SLC14A2: variants seen among roughly 807,000 people sequenced by gnomAD.
The protein encoded by SLC14A2 is urea transporter 2.
SLC14A2 carries 91 observed loss-of-function variants against 104.6 expected under a neutral mutation model. The observed-to-expected ratio is 0.87, with a 90% confidence interval of 0.73 to 1.04. The LOEUF is 1.04. SLC14A2 is among the 50% of genes least tolerant of loss of function. The pLI, the probability that SLC14A2 is intolerant of heterozygous loss-of-function variation, is 0.00. For synonymous variants in SLC14A2, 476 were observed against 466.4 expected (o/e 1.02, Z -0.27); for missense variants, 1,189 against 1,156.0 (o/e 1.03, Z -0.41).
chr18:45,482,305 C>A (rs1343711044), intron 1 of SLC14A2, among the ~76,000 whole-genome samples: 3 of 152,124 alleles, frequency 2.0e-5, no homozygotes, highest in Non-Finnish European at 4.4e-5. Context: ...ACATATGAAG[C>A]AGCTATTAAA....
At chr18:45,348,072 T>C (rs556854074) in intron 1 of SLC14A2, among the ~76,000 whole-genome samples, 3 of 152,334 alleles carry the variant, frequency 2.0e-5, no homozygotes, top group South Asian at 2.1e-4. Context: ...GCCATCATGA[T>C]GGCAGTGATT....
chr18:45,506,188 T>G (rs1257700110), intron 2 of SLC14A2, among the ~76,000 whole-genome samples: 4 of 152,168 alleles, frequency 2.6e-5, no homozygotes, highest in Non-Finnish European at 5.9e-5. Flanking sequence ...GGCCCCGTCC[T>G]CAAGTCTCTC....
At chr18:45,239,528 T>C (rs2084289544) in intron 1 of SLC14A2, among the ~76,000 whole-genome samples, 2 of 152,338 alleles carry the variant, frequency 1.3e-5, no homozygotes, top group South Asian at 4.1e-4. Context: ...CCTTGCAAGG[T>C]GCCTGCTGTG....
At chr18:45,347,478 T>G (rs1365835085) in intron 1 of SLC14A2, among the ~76,000 whole-genome samples, 2 of 152,214 alleles carry the variant, frequency 1.3e-5, no homozygotes, top group African/African-American at 4.8e-5. Context: ...GAGAACCACT[T>G]ATCTCCACAA....
At chr18:45,334,434 C>A (rs187238889) in intron 1 of SLC14A2, among the ~76,000 whole-genome samples, 18 of 152,262 alleles carry the variant, frequency 1.2e-4, no homozygotes, top group Admixed American at 7.9e-4. Flanking sequence ...CTGGAAACTT[C>A]CTGTACTACA....
intron 2 of SLC14A2, among the ~76,000 whole-genome samples, chr18:45,526,240 T>C (rs953895020): frequency 5.9e-5 from 9 of 152,204 alleles, no homozygotes; most frequent in African/African-American, 2.2e-4. Context: ...TGGAATTCCC[T>C]GTCCAGCTGA....
chr18:45,591,889 G>T (rs1363546378), intron 2 of SLC14A2, among the ~76,000 whole-genome samples: 2 of 152,230 alleles, frequency 1.3e-5, no homozygotes, highest in Non-Finnish European at 2.9e-5. Flanking sequence ...AGAGCCACTA[G>T]ATTTCCAAGC....
At position 45,354,211 on chromosome 18, in the gene SLC14A2, A is replaced by G. The variant is rs375692806; in HGVS notation, c.-124-129022A>G. On this transcript the variant is annotated intron_variant, in intron 1 of 20. Coordinates refer to the SLC14A2 transcript ENST00000586448. ...TCGCTGATTCAAGCTTATCTAAGCT[A>G]TTGATGTTCCCGGGATCACCAGTCC... Among the ~76,000 whole-genome samples the G allele has an allele frequency of 3.3e-5, 5 of 152,338 alleles. No individual in the cohort carries two copies. The East Asian group carries it at 7.7e-4, about 23-fold the overall frequency.
At chr18:45,618,546 G>A (rs977707284) in intron 1 of SLC14A2, among the ~76,000 whole-genome samples, 1 of 151,898 alleles carries the variant, frequency 6.6e-6, no homozygotes, top group South Asian at 2.1e-4. Context: ...GCAGGCGCCT[G>A]TAATCCCAGC....
intron 1 of SLC14A2, among the ~76,000 whole-genome samples, chr18:45,439,334 G>A (rs540135105): frequency 6.6e-6 from 1 of 152,128 alleles, no homozygotes; most frequent in Non-Finnish European, 1.5e-5. Flanking sequence ...TCACCATGTT[G>A]TTAACTTAGA....
chr18:45,367,302 A>G (rs562598173), intron 1 of SLC14A2, among the ~76,000 whole-genome samples: 1 of 152,308 alleles, frequency 6.6e-6, no homozygotes, highest in African/African-American at 2.4e-5. Flanking sequence ...GAGATTTCAT[A>G]TATTTATGAT....
chr18:45,376,821 G>A (rs965362428), intron 1 of SLC14A2, among the ~76,000 whole-genome samples: 11 of 152,272 alleles, frequency 7.2e-5, no homozygotes, highest in Middle Eastern at 3.4e-3. Context: ...TCTGATGGTT[G>A]ATTCAATGGA....
intron 8 of SLC14A2, 89 bp downstream of exon 8, chr18:45,641,432 T>G: frequency 1.4e-6 from 2 of 1,465,092 alleles, no homozygotes; most frequent in South Asian, 2.4e-5. Flanking sequence ...CACTAATCAA[T>G]ACTGTTCAGC....
At chr18:45,221,312 C>T (rs144556008) in intron 1 of SLC14A2, among the ~76,000 whole-genome samples, 214 of 152,324 alleles carry the variant, frequency 1.4e-3, no homozygotes, top group Admixed American at 2.3e-3. Flanking sequence ...TCTAGCCTCA[C>T]ATCCTTATTG....
At chr18:45,625,494 G>A (rs2045242612) in intron 2 of SLC14A2, among the ~76,000 whole-genome samples, 189 bp from the exon 3 acceptor site, 1 of 152,296 alleles carries the variant, frequency 6.6e-6, no homozygotes. Flanking sequence ...TGTGAAGAAG[G>A]TGCATGGTCC....
intron 2 of SLC14A2, among the ~76,000 whole-genome samples, chr18:45,543,930 A>T (rs11082452): frequency 0.17 from 25,869 of 152,212 alleles, 2,430 homozygotes; most frequent in Non-Finnish European, 0.21. Flanking sequence ...GGTGGCTATG[A>T]GGCCAGCCCC....
chr18:45,307,743 T>C (rs2085038492), intron 1 of SLC14A2, among the ~76,000 whole-genome samples: 1 of 152,224 alleles, frequency 6.6e-6, no homozygotes, highest in East Asian at 1.9e-4. Flanking sequence ...TGTTGAAAAC[T>C]TGTAACACTA....
At position 45,542,035 on chromosome 18, in the gene SLC14A2, G is replaced by GTTTTTTTT. The variant is rs60977948; in HGVS notation, c.-35+58743_-35+58750dup. The stretch of plus-strand genomic sequence containing the variant: ...GGGCTTGTTAGATGAAAGAGAGAGG[G>GTTTTTTTT]TTTTTTTTTTTTTTTTTTTTTTTTT... On this transcript the variant is annotated intron_variant, in intron 2 of 20. Transcript: ENST00000586448. Among the ~76,000 whole-genome samples the GTTTTTTTT allele has an allele frequency of 1.8e-3, 100 of 54,208 alleles. 3 individuals carry two copies. Among genetic ancestry groups the GTTTTTTTT allele is most frequent in the East Asian group, 4.2e-3 (5 of 1,204 alleles). The allele number at this position is 54,208 out of a possible 152,430, so 35.6% of individuals were successfully genotyped here. A position where few individuals can be genotyped will look rare whatever the true frequency, so the allele number is the denominator to read the frequency against.
chr18:45,305,849 T>A (rs1008473965), intron 1 of SLC14A2, among the ~76,000 whole-genome samples: 1 of 152,220 alleles, frequency 6.6e-6, no homozygotes, highest in Non-Finnish European at 1.5e-5. Context: ...CTCATTAATT[T>A]CAGAGAAGAT....
Sources: gnomAD v4.1 joint callset for allele counts (sites outside exome capture counted in the v4.1 genomes callset) on GRCh38, gnomAD v4.1.1 for gene constraint, MANE v1.5 for transcripts, NCBI Gene and HGNC (gene_info 2026-07-23, HGNC 2026-07-21) for gene names.